KCNJ9: variants seen among roughly 807,000 people sequenced by gnomAD.
KCNJ9 encodes G protein-activated inward rectifier potassium channel 3.
Under a neutral mutation model 27.9 loss-of-function variants are expected in KCNJ9, and 18 were observed. The observed-to-expected ratio is 0.65, with a 90% CI of 0.45 to 0.96. KCNJ9 has a LOEUF of 0.96. Ranked by LOEUF, KCNJ9 falls within the 40% of genes least tolerant of loss-of-function variation. KCNJ9 has a pLI of 0.00. For synonymous variants in KCNJ9, 229 were observed against 248.2 expected (o/e 0.92, Z 0.73); for missense variants, 324 against 557.5 (o/e 0.58, Z 4.22).
At position 160,084,057 on chromosome 1, in the gene KCNJ9, G is replaced by A. The variant is rs993782328; in HGVS notation, c.27G>A (p.Ser9=). MAQENAAF[S]PGQEEPPRRR... ...TGGCGCAGGAGAACGCGGCCTTCTCGCCCGGGCAGGAGGAGCCGCCGCGGC... is the reference window on the plus strand; with the variant it reads ...TGGCGCAGGAGAACGCGGCCTTCTCACCCGGGCAGGAGGAGCCGCCGCGGC... Residue 9 remains serine (S), a synonymous_variant, in exon 2 of 3, where the codon TCG becomes TCA. Coordinates refer to ENST00000368088, the MANE Select transcript of KCNJ9 (RefSeq NM_004983.3). The A allele has an allele frequency of 4.6e-6, 7 of 1,525,412 alleles. No individual in the cohort carries two copies. The Admixed American group carries it at 6.0e-5, about 13-fold the overall frequency. 94.5% of individuals were successfully genotyped at this position (1,525,412 alleles called of 1,614,324 possible).
In KCNJ9 at chr1:160,084,195, G is replaced by T; in HGVS notation, c.165G>T (p.Leu55=). 6.2e-7 allele frequency: 1 copy of T among 1,611,424 alleles called. No homozygotes were observed. Among genetic ancestry groups the T allele is most frequent in the East Asian group, 2.2e-5 (1 of 44,778 alleles). Residue 55 remains leucine (L), a synonymous_variant, in exon 2 of 3, where the codon CTG becomes CTT. Transcript: ENST00000368088. ...LTDLFTTLVD[L]QWRLSLLFFV... is the part of the protein sequence containing the mutation. ...ACCTGTTCACCACGCTGGTGGACCT[G>T]CAGTGGCGCCTCAGCCTGTTGTTCT...
chr1:160,083,445 G>A (rs1186520464), intron 1 of KCNJ9, among the ~76,000 whole-genome samples: 1 of 152,186 alleles, frequency 6.6e-6, no homozygotes, highest in Non-Finnish European at 1.5e-5. Flanking sequence ...AACAGCCTGC[G>A]AGGAGAGCCA....
At chr1:160,081,743 A>G (rs1318778213) in intron 1 of KCNJ9, 46 bp downstream of exon 1, 1 of 152,060 alleles carries the variant, frequency 6.6e-6, no homozygotes, top group African/African-American at 2.4e-5. Flanking sequence ...CCTATTTCCA[A>G]GGCAAGTGGG....
intron 2 of KCNJ9, among the ~76,000 whole-genome samples, chr1:160,086,860 T>C (rs956608234): frequency 1.3e-5 from 2 of 152,118 alleles, no homozygotes; most frequent in Non-Finnish European, 2.9e-5. Flanking sequence ...ATCAAAAAAG[T>C]AGAGTTCTGG....
chr1:160,087,582 A>C lies in KCNJ9; in HGVS notation c.947A>C (p.Glu316Ala), dbSNP rs1329285351. 6.2e-7 allele frequency: 1 copy of C among 1,613,908 alleles called. No individual in the cohort carries two copies. Among genetic ancestry groups the C allele is most frequent in the Non-Finnish European group, 8.5e-7 (1 of 1,179,922 alleles). Residue 316 changes from glutamate (E) to alanine (A), a missense_variant, in exon 3 of 3, where the codon GAA becomes GCA. Around this residue, in one of 3 missense-constraint regions of KCNJ9, gnomAD observed 241 missense variants for 481.7 expected, o/e 0.50. Coordinates refer to ENST00000368088, the MANE Select transcript of KCNJ9 (RefSeq NM_004983.3). The stretch of plus-strand genomic sequence containing the variant: ...CTGACTCTGGAGGACGGCTTCTACG[A>C]AGTGGACTATGCCAGCTTTCACGAG... ...SVLTLEDGFY[E>A]VDYASFHETF...
chr1:160,084,741 C>T lies in KCNJ9; in HGVS notation c.711C>T (p.Asp237=). 1 of 1,583,240 alleles carries T rather than the reference C, an allele frequency of 6.3e-7. No homozygotes were observed. The highest frequency in any genetic ancestry group is 1.1e-5 in the South Asian group (1 of 87,112). ...GCGTGGGCTTCGACACGGGAGACGA[C>T]CGCCTCTTCCTCGTCTCGCCGCTGG... The part of the protein sequence containing the change: ...DLSVGFDTGD[D]RLFLVSPLVI... Residue 237 remains aspartate, a synonymous_variant, in exon 2 of 3, where the codon GAC becomes GAT. Coordinates refer to ENST00000368088, the MANE Select transcript of KCNJ9 (RefSeq NM_004983.3).
rs529991135 is a variant in KCNJ9, at chr1:160,086,745, A to G, written c.851-741A>G. On this transcript the variant is annotated intron_variant, in intron 2 of 2. Coordinates refer to ENST00000368088, the MANE Select transcript of KCNJ9 (RefSeq NM_004983.3). ...TATTAGTGAAAGCATCATGGCCAGAAGAGAGAGATGGTGCGCGCTCTCTTA... is the reference window on the plus strand; with the variant it reads ...TATTAGTGAAAGCATCATGGCCAGAGGAGAGAGATGGTGCGCGCTCTCTTA... Among the ~76,000 whole-genome samples, 6 of 80,772 alleles carry G rather than the reference A, an allele frequency of 7.4e-5. No homozygotes were observed. The South Asian group carries it at 1.0e-3, about 14-fold the overall frequency. 53.0% of individuals were successfully genotyped at this position (80,772 alleles called of 152,430 possible). A position where few individuals can be genotyped will look rare whatever the true frequency, so the allele number is the denominator to read the frequency against.
chr1:160,085,726 C>T (rs1235530019), intron 2 of KCNJ9, among the ~76,000 whole-genome samples: 1 of 152,200 alleles, frequency 6.6e-6, no homozygotes, highest in Non-Finnish European at 1.5e-5. Flanking sequence ...AAGGAGGTCA[C>T]TTAGGACTTG....
intron 2 of KCNJ9, 71 bp from the exon 3 acceptor site, chr1:160,087,415 G>C (rs1292547636): frequency 1.2e-5 from 18 of 1,520,978 alleles, no homozygotes; most frequent in South Asian, 1.2e-4. Flanking sequence ...CTGGGAGTAG[G>C]GTTGTGGAAT....
At chr1:160,086,651 G>T (rs1649782080) in intron 2 of KCNJ9, among the ~76,000 whole-genome samples, 1 of 152,180 alleles carries the variant, frequency 6.6e-6, no homozygotes, top group Non-Finnish European at 1.5e-5. Context: ...GTTTTAGTTG[G>T]CTACAGTCTT....
rs1376437320 is a variant in KCNJ9 at position 160,087,530 on chromosome 1, C to T, written c.895C>T (p.Leu299=). 1 of 1,612,252 alleles carries T rather than the reference C, an allele frequency of 6.2e-7. No individual in the cohort carries two copies. The highest frequency in any genetic ancestry group is 1.1e-5 in the South Asian group (1 of 90,896). The change falls in exon 3 of 3, where the codon CTG becomes TTG. Residue 299 remains leucine, a synonymous_variant. Transcript: ENST00000368088. ...GAGCTCCTACCTGGTAGACGAGGTG[C>T]TGTGGGGCCACCGCTTCACGTCAGT... The part of the protein sequence containing the change: ...ARSSYLVDEV[L]WGHRFTSVLT...
chr1:160,081,778 G>A (rs535724408), intron 1 of KCNJ9, 81 bp downstream of exon 1: 1 of 152,272 alleles, frequency 6.6e-6, no homozygotes, highest in South Asian at 2.1e-4. Context: ...TGGTTCTTGG[G>A]GGAGTTTTCA....
In KCNJ9 at chr1:160,084,621, C is replaced by G; in HGVS notation, c.591C>G (p.Ser197=). Residue 197 remains serine, a synonymous_variant, in exon 2 of 3, where the codon TCC becomes TCG. Transcript: ENST00000368088. ...CLMFRVGDLR[S]SHIVEASIRA... ...TGTTCCGCGTGGGCGACTTGCGCTC[C>G]TCACACATAGTGGAGGCCTCCATCC... The G allele has an allele frequency of 6.2e-7, 1 of 1,608,094 alleles. No individual in the cohort carries two copies. Among genetic ancestry groups the G allele is most frequent in the Non-Finnish European group, 8.5e-7 (1 of 1,177,528 alleles).
At position 160,088,910 on chromosome 1, in the gene KCNJ9, G is replaced by C. The variant is rs1458225734; in HGVS notation, c.*1093G>C. Reference sequence around the variant, plus strand: ...CTGTGCAGTCCCGTGGAGGGTAGGGGAGTGTGGGTGATCAGAAGGCTGGGG... The same window carrying C: ...CTGTGCAGTCCCGTGGAGGGTAGGGCAGTGTGGGTGATCAGAAGGCTGGGG... On this transcript the variant is annotated 3_prime_UTR_variant, in exon 3 of 3. Coordinates refer to ENST00000368088, the MANE Select transcript of KCNJ9 (RefSeq NM_004983.3). 6.6e-6 allele frequency: 1 copy of C among 152,300 alleles called. No individual in the cohort carries two copies. Among genetic ancestry groups the C allele is most frequent in the Non-Finnish European group, 1.5e-5 (1 of 68,090 alleles). 9.4% of individuals were successfully genotyped at this position (152,300 alleles called of 1,614,324 possible). A position where few individuals can be genotyped will look rare whatever the true frequency, so the allele number is the denominator to read the frequency against.
intron 2 of KCNJ9, 88 bp from the exon 3 acceptor site, chr1:160,087,398 G>A (rs1649796775): frequency 6.8e-7 from 1 of 1,463,170 alleles, no homozygotes; most frequent in Admixed American, 2.5e-5. Context: ...GAATAGAAGG[G>A]AGGGTGCTGG....
Position 160,084,573 on chromosome 1 carries a change from G to A in KCNJ9, c.543G>A (p.Leu181=). The change falls in exon 2 of 3, where the codon CTG becomes CTA. Residue 181 remains leucine (L), a synonymous_variant. Coordinates refer to ENST00000368088, the MANE Select transcript of KCNJ9 (RefSeq NM_004983.3). The part of the protein sequence containing the change: ...LVFSSHAVVS[L]RDGRLCLMFR... ...TCTCCTCGCACGCCGTGGTGTCGCT[G>A]CGCGACGGGCGCCTCTGCCTCATGT... is the stretch of plus-strand genomic sequence containing the variant. The A allele has an allele frequency of 6.2e-7, 1 of 1,610,614 alleles. No homozygotes were observed. Among genetic ancestry groups the A allele is most frequent in the African/African-American group, 1.3e-5 (1 of 75,034 alleles).
intron 2 of KCNJ9, among the ~76,000 whole-genome samples, chr1:160,086,246 C>A (rs1487902918): frequency 1.3e-5 from 2 of 152,214 alleles, no homozygotes; most frequent in African/African-American, 4.8e-5. Flanking sequence ...CAGCCACTCT[C>A]CGGTTAGCTA....
At chr1:160,085,060 A>G (rs1353306922) in intron 2 of KCNJ9, among the ~76,000 whole-genome samples, 180 bp downstream of exon 2, 1 of 152,228 alleles carries the variant, frequency 6.6e-6, no homozygotes, top group Non-Finnish European at 1.5e-5. Flanking sequence ...ACGCCGCAGA[A>G]GGCCAAGAGA....
Position 160,084,729 on chromosome 1 carries a change from C to T in KCNJ9, c.699C>T (p.Asp233=). ...AGACCGACCTCAGCGTGGGCTTCGA[C>T]ACGGGAGACGACCGCCTCTTCCTCG... ...LHQTDLSVGF[D]TGDDRLFLVS... Residue 233 remains aspartate (D), a synonymous_variant, in exon 2 of 3, where the codon GAC becomes GAT. Transcript: ENST00000368088. 6.3e-7 allele frequency: 1 copy of T among 1,586,248 alleles called. No homozygotes were observed. Among genetic ancestry groups the T allele is most frequent in the South Asian group, 1.1e-5 (1 of 87,634 alleles).
Sources: gnomAD v4.1 joint callset for allele counts (sites outside exome capture counted in the v4.1 genomes callset) on GRCh38, gnomAD v4.1.1 for gene constraint, gnomAD v4.1.1 regional missense constraint, MANE v1.5 for transcripts, NCBI Gene and HGNC (gene_info 2026-07-23, HGNC 2026-07-21) for gene names.